NCOR2: variants seen among roughly 807,000 people sequenced by gnomAD.
NCOR2 encodes the protein nuclear receptor corepressor 2, also known as CTG repeat protein 26.
NCOR2 carries 81 observed loss-of-function variants against 262.9 expected under a neutral mutation model. That is an observed-to-expected ratio of 0.31 (90% CI 0.26 to 0.37). NCOR2 has a LOEUF of 0.37. NCOR2 is among the 10% of genes least tolerant of loss of function. The pLI is 1.00. For synonymous variants in NCOR2, 1,659 were observed against 1,559.3 expected (o/e 1.06, Z -1.51); for missense variants, 3,385 against 3,621.4 (o/e 0.93, Z 1.68).
intron 45 of NCOR2, 82 bp from the exon 48 acceptor site, chr12:124,326,452 TGAG>T: frequency 1.5e-6 from 2 of 1,309,720 alleles, no homozygotes; most frequent in Non-Finnish European, 2.0e-6. Context: ...AGGGGCAGGG[TGAG>T]GTCCTGCCAT....
At chr12:124,537,870 A>G (rs1318531713), upstream of NCOR2, 2 of 152,210 alleles carry the variant, frequency 1.3e-5, no homozygotes, top group Non-Finnish European at 2.9e-5. Context: ...CGTTTTTTTC[A>G]CTATGATGCC....
At chr12:124,338,536 G>A (rs2036092171) in intron 37 of NCOR2, among the ~76,000 whole-genome samples, 1 of 150,524 alleles carries the variant, frequency 6.6e-6, no homozygotes, top group South Asian at 2.1e-4. Context: ...GTTCCGGGCA[G>A]GGAAGGGTGT....
rs1487193582 is a variant in NCOR2 at position 124,347,815 on chromosome 12, A to G, written c.4072+10T>C. On this transcript the variant is annotated intron_variant, in intron 30 of 46. Coordinates refer to ENST00000405201, the Ensembl canonical transcript of NCOR2. ...TGGGGGCAACGAGGGAGCAGGGAACAGGGCAGTACCTTGTGTGATGGACCC... is the reference window on the plus strand; with the variant it reads ...TGGGGGCAACGAGGGAGCAGGGAACGGGGCAGTACCTTGTGTGATGGACCC... 6.4e-7 allele frequency: 1 copy of G among 1,558,476 alleles called. No homozygotes were observed. The highest frequency in any genetic ancestry group is 1.4e-5 in the African/African-American group (1 of 73,514).
At chr12:124,431,718 A>G (rs61720835) in intron 8 of NCOR2, among the ~76,000 whole-genome samples, 3,594 of 151,328 alleles carry the variant, frequency 0.024, 138 homozygotes, top group African/African-American at 0.081. Flanking sequence ...ACACAGTCAC[A>G]TACACACATG....
intron 3 of NCOR2, among the ~76,000 whole-genome samples, chr12:124,479,210 G>C (rs2047265704): frequency 6.6e-6 from 1 of 152,204 alleles, no homozygotes; most frequent in South Asian, 2.1e-4. Context: ...TGAGCTGCCT[G>C]CGCACAAACA....
exon 2 of NCOR2, chr12:124,486,453 G>A (rs1383325118): frequency 6.2e-7 from 1 of 1,612,780 alleles, no homozygotes. Context: ...TTCATTCCCG[G>A]GCTGGAACTC....
chr12:124,503,713 C>T lies in NCOR2; in HGVS notation c.-117-8345G>A, dbSNP rs1345571797. ...ATGGATGGATGGATGGATGGATGGA[C>T]AGACGAATGGATGGATGGATGGACG... On this transcript the variant is annotated intron_variant, in intron 1 of 46. Coordinates refer to the NCOR2 transcript ENST00000404621. This position sits in a 1 kb window ranked among gnomAD's most constrained non-coding sequence, Gnocchi z 4.3. Among the ~76,000 whole-genome samples, 2 of 121,186 alleles carry T rather than the reference C, an allele frequency of 1.7e-5. No individual in the cohort carries two copies. The highest frequency in any genetic ancestry group is 3.5e-5 in the Non-Finnish European group (2 of 57,372). The allele number at this position is 121,186 out of a possible 152,430, so 79.5% of individuals were successfully genotyped here. A position where few individuals can be genotyped will look rare whatever the true frequency, so the allele number is the denominator to read the frequency against.
intron 27 of NCOR2, among the ~76,000 whole-genome samples, chr12:124,353,499 A>G (rs1410195522): frequency 1.3e-5 from 2 of 152,260 alleles, no homozygotes; most frequent in African/African-American, 4.8e-5. Context: ...CTCCACTGTT[A>G]GAACATGCAT....
At chr12:124,338,369 G>A (rs1247097117) in intron 37 of NCOR2, among the ~76,000 whole-genome samples, 1 of 152,106 alleles carries the variant, frequency 6.6e-6, no homozygotes, top group Admixed American at 6.5e-5. Context: ...TTAGCCGGGT[G>A]TGGTTGCACG....
At chr12:124,408,927 TC>T (rs1269938128) in intron 13 of NCOR2, among the ~76,000 whole-genome samples, 1 of 152,122 alleles carries the variant, frequency 6.6e-6, no homozygotes, top group Non-Finnish European at 1.5e-5. Flanking sequence ...GCTAGGGGCA[TC>T]TTTCCCCAGT....
At chr12:124,345,807 G>A (rs1212309075) in intron 31 of NCOR2, among the ~76,000 whole-genome samples, 4 of 152,078 alleles carry the variant, frequency 2.6e-5, no homozygotes, top group African/African-American at 2.4e-5. Context: ...AACCCCTCCC[G>A]GGACACCCAC....
At chr12:124,529,342 C>T (rs1368101351) in intron 1 of NCOR2, among the ~76,000 whole-genome samples, 5 of 151,328 alleles carry the variant, frequency 3.3e-5, no homozygotes, top group Non-Finnish European at 5.9e-5. Context: ...GATGTGGTGG[C>T]GCATGCCTGT....
intron 38 of NCOR2, chr12:124,336,493 A>C: frequency 1.3e-6 from 1 of 793,048 alleles, no homozygotes; most frequent in Non-Finnish European, 1.7e-6. Flanking sequence ...AGTAGTCGTC[A>C]GCGCGTGCAA....
chr12:124,492,061 G>A (rs951482908), intron 1 of NCOR2, among the ~76,000 whole-genome samples: 7 of 152,190 alleles, frequency 4.6e-5, no homozygotes, highest in Admixed American at 2.0e-4. Flanking sequence ...ATTTGTGCTG[G>A]GAATCACTCA....
At chr12:124,383,465 G>A in intron 17 of NCOR2, 1 of 907,428 alleles carries the variant, frequency 1.1e-6, no homozygotes. Flanking sequence ...CTTAAGCATG[G>A]CCCGTGCCAC....
upstream of NCOR2, among the ~76,000 whole-genome samples, chr12:124,495,674 C>T (rs1281559966): frequency 1.3e-5 from 2 of 152,214 alleles, no homozygotes; most frequent in Admixed American, 6.5e-5. This position sits in a 1 kb window ranked among gnomAD's most constrained non-coding sequence, Gnocchi z 4.4. Flanking sequence ...CAGATGGCTC[C>T]CAGCCCCCCT....
At chr12:124,433,881 C>CACAA (rs1565940465) in intron 8 of NCOR2, among the ~76,000 whole-genome samples, 3 of 68,302 alleles carry the variant, frequency 4.4e-5, no homozygotes, top group African/African-American at 1.3e-4. Context: ...CACACACACA[C>CACAA]ACACACACAC....
At chr12:124,339,911 C>CAA in intron 37 of NCOR2, 95 bp downstream of exon 39, 17 of 1,090,138 alleles carry the variant, frequency 1.6e-5, no homozygotes, top group Non-Finnish European at 2.1e-5. Flanking sequence ...ACCCACCTCC[C>CAA]ATATACCTCC....
chr12:124,356,637 C>T lies in NCOR2; in HGVS notation c.3241+5G>A. On this transcript the variant is annotated splice_donor_5th_base_variant and intron_variant, in intron 23 of 46. Transcript: ENST00000405201. ...AGAAGCCCAAGCTCGGGCGGAGCTA[C>T]TTACCAGGTGGAGCGTAGGAGAAGG... 7.0e-7 allele frequency: 1 copy of T among 1,431,960 alleles called. No homozygotes were observed. Among genetic ancestry groups the T allele is most frequent in the South Asian group, 1.7e-5 (1 of 59,758 alleles). The allele number at this position is 1,431,960 out of a possible 1,614,324, so 88.7% of individuals were successfully genotyped here. A position where few individuals can be genotyped will look rare whatever the true frequency, so the allele number is the denominator to read the frequency against.
Sources: gnomAD v4.1 joint callset for allele counts (sites outside exome capture counted in the v4.1 genomes callset) on GRCh38, gnomAD v4.1.1 for gene constraint, Gnocchi (gnomAD v3.1) non-coding constraint, MANE v1.5 for transcripts, NCBI Gene and HGNC (gene_info 2026-07-23, HGNC 2026-07-21) for gene names.